ZNF555: variants seen among roughly 807,000 people sequenced by gnomAD.
ZNF555 encodes the protein zinc finger protein 555.
A neutral mutation model predicts 14.0 loss-of-function variants in ZNF555; 10 were observed. The observed-to-expected ratio is 0.72, with a 90% confidence interval of 0.44 to 1.21. ZNF555 has a LOEUF of 1.21. ZNF555 is among the 50% of genes most tolerant of loss of function. The pLI, the probability that ZNF555 is intolerant of heterozygous loss-of-function variation, is 0.00. For missense variants in ZNF555, 747 were observed against 762.0 expected, an observed-to-expected ratio of 0.98 and a Z score of 0.23; for synonymous variants, 277 against 262.4, an observed-to-expected ratio of 1.06 and a Z score of -0.54.
intron 1 of ZNF555, among the ~76,000 whole-genome samples, chr19:2,842,513 TC>T (rs1474524314): frequency 5.9e-5 from 9 of 152,304 alleles, no homozygotes; most frequent in African/African-American, 1.9e-4. Flanking sequence ...ATATATTCTT[TC>T]ACGGTTCCCT....
Position 2,852,973 on chromosome 19 carries a change from T to G in ZNF555, c.908T>G (p.Met303Arg). The change falls in exon 4 of 4, where the codon ATG becomes AGG. Residue 303 changes from methionine (M) to arginine (R), a missense_variant. By Grantham distance (91) the Met-to-Arg change is moderately conservative (BLOSUM62 -1). Transcript: ENST00000334241. ...TATTCCTCAACTTTTCGAAGACATA[T>G]GATTTCACACACTGGAGAGAAGCCA... ...FSYSSTFRRH[M>R]ISHTGEKPHK... The G allele has an allele frequency of 6.2e-7, 1 of 1,614,220 alleles. No homozygotes were observed. The highest frequency in any genetic ancestry group is 1.3e-5 in the African/African-American group (1 of 75,052).
chr19:2,843,798 C>T (rs748789913), intron 1 of ZNF555, among the ~76,000 whole-genome samples: 2 of 152,170 alleles, frequency 1.3e-5, no homozygotes, highest in Admixed American at 6.6e-5. Context: ...TCTGCAATGC[C>T]GGCCCTGGCA....
chr19:2,853,607 G>A lies in ZNF555; in HGVS notation c.1542G>A (p.Gly514=). The A allele has an allele frequency of 1.9e-6, 3 of 1,610,228 alleles. No individual in the cohort carries two copies. Among genetic ancestry groups the A allele is most frequent in the Non-Finnish European group, 2.5e-6 (3 of 1,177,922 alleles). The change falls in exon 4 of 4, where the codon GGG becomes GGA. Residue 514 remains glycine, a synonymous_variant. Coordinates refer to ENST00000334241, the MANE Select transcript of ZNF555 (RefSeq NM_152791.5). ...AEKLYKCKQC[G]KAFSWPELLQ... is the part of the protein sequence containing the mutation. ...AACTCTATAAATGCAAGCAGTGTGG[G>A]AAAGCTTTCAGTTGGCCTGAACTTT... is the stretch of plus-strand genomic sequence containing the variant.
rs2087693306 is a variant in ZNF555 at position 2,857,520 on chromosome 19, G to A, written c.*3568G>A. On this transcript the variant is annotated 3_prime_UTR_variant, in exon 4 of 4. Coordinates refer to ENST00000334241, the MANE Select transcript of ZNF555 (RefSeq NM_152791.5). ...AGATAAGGGAAACGAACAAATCGCT[G>A]GTTAGAAGTAGGGGATTTGAGTACA... is the stretch of plus-strand genomic sequence containing the variant. 1 of 152,170 alleles carries A rather than the reference G, an allele frequency of 6.6e-6. No individual in the cohort carries two copies. Among genetic ancestry groups the A allele is most frequent in the South Asian group, 2.1e-4 (1 of 4,830 alleles). 9.4% of individuals were successfully genotyped at this position (152,170 alleles called of 1,614,324 possible).
Position 2,853,332 on chromosome 19 carries a change from C to T in ZNF555, c.1267C>T (p.Pro423Ser). Residue 423 changes from proline (P) to serine (S), a missense_variant, in exon 4 of 4, where the codon CCC (proline) becomes TCC (serine). Transcript: ENST00000334241. The stretch of plus-strand genomic sequence containing the variant: ...CATGAGGGTGCACACTGGAGAGAAA[C>T]CCTATGAGTGCAAGCAATGTGGGAA... ...GHMRVHTGEK[P>S]YECKQCGKTF... The T allele has an allele frequency of 5.0e-6, 8 of 1,614,128 alleles. No individual in the cohort carries two copies. Among genetic ancestry groups the T allele is most frequent in the Non-Finnish European group, 5.9e-6 (7 of 1,180,020 alleles).
At chr19:2,852,020 G>A (rs1015829551) in intron 3 of ZNF555, among the ~76,000 whole-genome samples, 9 of 151,976 alleles carry the variant, frequency 5.9e-5, no homozygotes, top group East Asian at 1.9e-4. Flanking sequence ...GCATGGTGCC[G>A]CAGGCCTGTA....
chr19:2,858,594 A>T lies in ZNF555; in HGVS notation c.*4642A>T, dbSNP rs1463769852. ...ATCTCAAGCTCAGCTCTGTGTCTTCATGCTGGGAAACGTCTTTATGGATCC... is the reference window on the plus strand; with the variant it reads ...ATCTCAAGCTCAGCTCTGTGTCTTCTTGCTGGGAAACGTCTTTATGGATCC... On this transcript the variant is annotated 3_prime_UTR_variant, in exon 4 of 4. Coordinates refer to ENST00000334241, the MANE Select transcript of ZNF555 (RefSeq NM_152791.5). 4 of 152,212 alleles carry T rather than the reference A, an allele frequency of 2.6e-5. No homozygotes were observed. The highest frequency in any genetic ancestry group is 4.4e-5 in the Non-Finnish European group (3 of 68,092). 9.4% of individuals were successfully genotyped at this position (152,212 alleles called of 1,614,324 possible).
chr19:2,849,319 G>T (rs965431006), intron 1 of ZNF555, among the ~76,000 whole-genome samples: 7 of 151,922 alleles, frequency 4.6e-5, no homozygotes, highest in African/African-American at 1.7e-4. Context: ...GGTATGTGGG[G>T]AATCACTTCC....
intron 3 of ZNF555, 72 bp downstream of exon 3, chr19:2,851,723 C>A: frequency 2.2e-6 from 3 of 1,334,498 alleles, no homozygotes; most frequent in Non-Finnish European, 3.0e-6. Context: ...TTTAAAAAAG[C>A]AAGCAAACAG....
chr19:2,841,873 C>T (rs1038455909), intron 1 of ZNF555, among the ~76,000 whole-genome samples: 1 of 151,696 alleles, frequency 6.6e-6, no homozygotes, highest in African/African-American at 2.4e-5. Flanking sequence ...CCCTGCGCTC[C>T]CGACCCCCCA....
At chr19:2,851,147 G>A (rs980989033) in intron 2 of ZNF555, among the ~76,000 whole-genome samples, 2 of 151,852 alleles carry the variant, frequency 1.3e-5, no homozygotes, top group East Asian at 1.9e-4. Context: ...ACAGGCGAGC[G>A]CCACCATCCC....
chr19:2,842,273 C>T (rs2087544032), intron 1 of ZNF555, among the ~76,000 whole-genome samples: 1 of 152,204 alleles, frequency 6.6e-6, no homozygotes, highest in African/African-American at 2.4e-5. Flanking sequence ...CCCCTCTGAC[C>T]CCAAGATGCC....
At position 2,851,628 on chromosome 19, in the gene ZNF555, C is replaced by T. The variant is rs1444527689; in HGVS notation, c.291C>T (p.Thr97=). 1 of 1,590,792 alleles carries T rather than the reference C, an allele frequency of 6.3e-7. No individual in the cohort carries two copies. Among genetic ancestry groups the T allele is most frequent in the South Asian group, 1.2e-5 (1 of 86,280 alleles). The stretch of plus-strand genomic sequence containing the variant: ...ACAGTCTTAGCATCGAAGATCAAAC[C>T]ACAAACCAGGGGAGAAATCTCAGGT... ...IWDSLSIEDQ[T]TNQGRNLSRN... is the part of the protein sequence containing the mutation. Residue 97 remains threonine (T), a synonymous_variant, in exon 3 of 4, where the codon ACC becomes ACT. Coordinates refer to ENST00000334241, the MANE Select transcript of ZNF555 (RefSeq NM_152791.5).
chr19:2,841,490 G>T lies in ZNF555; in HGVS notation c.-83G>T, dbSNP rs1445539876. 1.9e-6 allele frequency: 3 copies of T among 1,540,706 alleles called. No individual in the cohort carries two copies. The highest frequency in any genetic ancestry group is 1.2e-5 in the South Asian group (1 of 83,784). ...GGACGCCTCTGTCCTAGCCGTGAGTGCCCCGCCTGCCCCTAGCGGTCCCTG... is the reference window on the plus strand; with the variant it reads ...GGACGCCTCTGTCCTAGCCGTGAGTTCCCCGCCTGCCCCTAGCGGTCCCTG... On this transcript the variant is annotated 5_prime_UTR_variant, in exon 1 of 4. Transcript: ENST00000334241.
At chr19:2,847,481 C>T (rs2087591487) in intron 1 of ZNF555, 2 of 152,088 alleles carry the variant, frequency 1.3e-5, no homozygotes, top group Non-Finnish European at 2.9e-5. Context: ...TACCCTAAAA[C>T]TTAAAGTATA....
intron 1 of ZNF555, 143 bp from the exon 2 acceptor site, chr19:2,850,444 G>T: frequency 8.7e-7 from 1 of 1,154,594 alleles, no homozygotes; most frequent in South Asian, 1.5e-5. Context: ...AGTGTAGACA[G>T]GAAGGAAGAG....
chr19:2,853,928 T>G lies in ZNF555; in HGVS notation c.1863T>G (p.Val621=). Residue 621 remains valine, a synonymous_variant, in exon 4 of 4, where the codon GTT becomes GTG. Transcript: ENST00000334241. ...ACCAGGAGAGAGATCTGATCAAAGT[T>G]GTAAATATGGTGTTGCCTTTATGAG... ...KSHQERDLIK[V]VNMVLPL The G allele has an allele frequency of 6.2e-7, 1 of 1,613,786 alleles. No individual in the cohort carries two copies. The highest frequency in any genetic ancestry group is 8.5e-7 in the Non-Finnish European group (1 of 1,180,016).
chr19:2,857,093 A>G lies in ZNF555; in HGVS notation c.*3141A>G, dbSNP rs1351830424. 6.6e-6 allele frequency: 1 copy of G among 152,242 alleles called. No individual in the cohort carries two copies. The highest frequency in any genetic ancestry group is 1.5e-5 in the Non-Finnish European group (1 of 68,036). 9.4% of individuals were successfully genotyped at this position (152,242 alleles called of 1,614,324 possible). ...AACCTCTGAACTTCCAGAATTAACT[A>G]GGGAAGAGGAAAAACATGTAACACC... On this transcript the variant is annotated 3_prime_UTR_variant, in exon 4 of 4. Transcript: ENST00000334241.
At chr19:2,850,518 G>A (rs1467008679) in intron 1 of ZNF555, 69 bp from the exon 2 acceptor site, 11 of 1,576,116 alleles carry the variant, frequency 7.0e-6, no homozygotes, top group Admixed American at 5.3e-5. Flanking sequence ...AACTACATAC[G>A]AATTGAGTAC....
Sources: gnomAD v4.1 joint callset for allele counts (sites outside exome capture counted in the v4.1 genomes callset) on GRCh38, gnomAD v4.1.1 for gene constraint, MANE v1.5 for transcripts, NCBI Gene and HGNC (gene_info 2026-07-23, HGNC 2026-07-21) for gene names.